The following NFIB variants were observed in gnomAD, a reference collection of about 807,000 sequenced individuals.
The protein encoded by NFIB is nuclear factor 1 B-type.
A neutral mutation model predicts 61.5 loss-of-function variants in NFIB; 11 were observed. The ratio of observed to expected loss-of-function variants is 0.18; its 90% CI spans 0.11 to 0.30. NFIB has a LOEUF of 0.30. Among genes scored for constraint, NFIB ranks in the 10% least tolerant of loss-of-function variants. NFIB has a pLI of 1.00. For missense variants in NFIB, 471 were observed against 608.9 expected (o/e 0.77, Z 2.38); for synonymous variants, 260 against 216.5 (o/e 1.20, Z -1.76).
the NFIB span, among the ~76,000 whole-genome samples, chr9:14,455,077 T>C: frequency 2.6e-5 from 4 of 152,188 alleles, no homozygotes; most frequent in African/African-American, 9.7e-5. Context: ...ATTTGACTGA[T>C]ACAAATACCT....
At chr9:14,284,022 G>A (rs2058552299) in intron 2 of NFIB, among the ~76,000 whole-genome samples, 1 of 152,164 alleles carries the variant, frequency 6.6e-6, no homozygotes, top group South Asian at 2.1e-4. Flanking sequence ...TAGTTTTACT[G>A]GAGAAGTAGT....
intron 3 of NFIB, among the ~76,000 whole-genome samples, chr9:14,178,991 A>G (rs10124557): frequency 0.052 from 7,964 of 152,074 alleles, 595 homozygotes; most frequent in African/African-American, 0.17. Flanking sequence ...TTCTTAGAGC[A>G]CTCTTTTACT....
chr9:14,112,627 G>A (rs1047415024), intron 10 of NFIB, among the ~76,000 whole-genome samples: 4 of 152,128 alleles, frequency 2.6e-5, no homozygotes, highest in Non-Finnish European at 4.4e-5. Flanking sequence ...TCAAAAACTC[G>A]AATTATATAC....
At chr9:14,383,694 C>G (rs1028787186) in intron 1 of NFIB, among the ~76,000 whole-genome samples, 4 of 152,182 alleles carry the variant, frequency 2.6e-5, no homozygotes, top group African/African-American at 9.7e-5. Flanking sequence ...AGAATTTGAT[C>G]ACTTTGTGTT....
chr9:14,431,138 G>T, the NFIB span, among the ~76,000 whole-genome samples: 2 of 152,164 alleles, frequency 1.3e-5, no homozygotes, highest in Non-Finnish European at 2.9e-5. Context: ...ACTCAATGTT[G>T]TGTTGGTTTT....
the NFIB span, among the ~76,000 whole-genome samples, chr9:14,527,047 T>A: frequency 6.6e-6 from 1 of 152,172 alleles, no homozygotes; most frequent in East Asian, 1.9e-4. Flanking sequence ...GAAAATGAAA[T>A]AAAAGTCATT....
the NFIB span, among the ~76,000 whole-genome samples, chr9:14,527,318 A>T: frequency 2.9e-4 from 44 of 152,332 alleles, no homozygotes; most frequent in East Asian, 8.5e-3. Context: ...TTTTACTCAG[A>T]AACTAGTATT....
the NFIB span, among the ~76,000 whole-genome samples, chr9:14,490,828 C>T: frequency 1.3e-5 from 2 of 152,168 alleles, no homozygotes; most frequent in Non-Finnish European, 2.9e-5. Context: ...ATGTACACCA[C>T]TACTTTGGAA....
At chr9:14,512,749 T>G in the NFIB span, among the ~76,000 whole-genome samples, 2 of 152,032 alleles carry the variant, frequency 1.3e-5, no homozygotes, top group Non-Finnish European at 2.9e-5. Flanking sequence ...CTCCCTTTTC[T>G]CTCTTCCTCC....
intron 2 of NFIB, among the ~76,000 whole-genome samples, chr9:14,306,514 C>G (rs533272893): frequency 6.6e-6 from 1 of 151,974 alleles, no homozygotes; most frequent in Admixed American, 6.6e-5. Context: ...CAGTGCGATA[C>G]CACTAAGTTC....
At chr9:14,439,089 G>A in the NFIB span, among the ~76,000 whole-genome samples, 1 of 152,220 alleles carries the variant, frequency 6.6e-6, no homozygotes, top group Non-Finnish European at 1.5e-5. Context: ...AGAAGTTTCA[G>A]GCTCGGCGTT....
chr9:14,363,762 A>G (rs867912112), intron 1 of NFIB, among the ~76,000 whole-genome samples: 1 of 152,082 alleles, frequency 6.6e-6, no homozygotes, highest in Non-Finnish European at 1.5e-5. Flanking sequence ...GGCATATATT[A>G]ACTTTTCACT....
At chr9:14,203,523 C>G (rs964891543) in intron 2 of NFIB, among the ~76,000 whole-genome samples, 1 of 152,196 alleles carries the variant, frequency 6.6e-6, no homozygotes, top group Non-Finnish European at 1.5e-5. Flanking sequence ...TTTATCTCCA[C>G]TGCCAAGAGT....
chr9:14,135,739 G>A (rs974166158), intron 6 of NFIB, among the ~76,000 whole-genome samples: 1 of 152,114 alleles, frequency 6.6e-6, no homozygotes, highest in South Asian at 2.1e-4. Context: ...GCTACGTTAA[G>A]AGGAGATAAG....
the NFIB span, among the ~76,000 whole-genome samples, chr9:14,527,559 C>A: frequency 1.3e-5 from 2 of 152,106 alleles, no homozygotes; most frequent in Non-Finnish European, 2.9e-5. Context: ...ATGTCGATCA[C>A]CCCCCTCCAT....
rs71321962 is a variant in NFIB at position 14,097,875 on chromosome 9, C to CTTTTTTTTTTTTTTTT, written c.1468-9565_1468-9550dup. On this transcript the variant is annotated intron_variant, in intron 10 of 10. Transcript: ENST00000380953. The stretch of plus-strand genomic sequence containing the variant: ...CTTTTTTTTTCTTTCTTTCTTTTTT[C>CTTTTTTTTTTTTTTTT]TTTTTTTTTTTTTTTTTTGCCCTCC... Among the ~76,000 whole-genome samples, 52 of 110,818 alleles carry CTTTTTTTTTTTTTTTT rather than the reference C, an allele frequency of 4.7e-4. 3 individuals are homozygous for CTTTTTTTTTTTTTTTT. Among genetic ancestry groups the CTTTTTTTTTTTTTTTT allele is most frequent in the African/African-American group, 8.5e-4 (25 of 29,434 alleles). The allele number at this position is 110,818 out of a possible 152,430, so 72.7% of individuals were successfully genotyped here. A position where few individuals can be genotyped will look rare whatever the true frequency, so the allele number is the denominator to read the frequency against.
At chr9:14,223,993 T>C (rs1461048251) in intron 2 of NFIB, among the ~76,000 whole-genome samples, 1 of 152,184 alleles carries the variant, frequency 6.6e-6, no homozygotes, top group Non-Finnish European at 1.5e-5. Context: ...GCAAACAGGA[T>C]TCCCCCTGCC....
At chr9:14,176,773 A>T (rs2046232799) in intron 3 of NFIB, among the ~76,000 whole-genome samples, 1 of 152,144 alleles carries the variant, frequency 6.6e-6, no homozygotes, top group Non-Finnish European at 1.5e-5. Context: ...TCAGACATTC[A>T]AGCCTGATGC....
At chr9:14,124,589 C>G (rs1022853909) in intron 7 of NFIB, among the ~76,000 whole-genome samples, 3 of 152,150 alleles carry the variant, frequency 2.0e-5, no homozygotes, top group Non-Finnish European at 4.4e-5. Context: ...AAGTGCCTAA[C>G]TATAAATTTA....
Sources: gnomAD v4.1 joint callset for allele counts (sites outside exome capture counted in the v4.1 genomes callset) on GRCh38, gnomAD v4.1.1 for gene constraint, MANE v1.5 for transcripts, NCBI Gene and HGNC (gene_info 2026-07-23, HGNC 2026-07-21) for gene names.